Variants in TAFA5 observed in about 807,000 individuals in gnomAD.
TAFA5 encodes TAFA chemokine like family member 5.
Under a neutral mutation model 15.3 loss-of-function variants are expected in TAFA5, and 6 were observed. That is an observed-to-expected ratio of 0.39 (90% CI 0.21 to 0.77). The LOEUF is 0.77. Among genes scored for constraint, TAFA5 ranks in the 30% least tolerant of loss-of-function variants. The pLI, the probability that TAFA5 is intolerant of heterozygous loss-of-function variation, is 0.41. For missense variants in TAFA5, 161 were observed against 193.1 expected (o/e 0.83, Z 0.98); for synonymous variants, 103 against 80.7 (o/e 1.28, Z -1.48).
chr22:48,583,023 C>T (rs1002058346), intron 1 of TAFA5, among the ~76,000 whole-genome samples: 2 of 138,546 alleles, frequency 1.4e-5, no homozygotes, highest in African/African-American at 5.5e-5. Context: ...CACCACACAC[C>T]ACATGCAAAA....
At chr22:48,592,101 G>A (rs1053029078) in intron 1 of TAFA5, among the ~76,000 whole-genome samples, 3 of 152,148 alleles carry the variant, frequency 2.0e-5, no homozygotes, top group East Asian at 3.9e-4. Context: ...AGCCTTGGTC[G>A]GGCCCCACCC....
intron 2 of TAFA5, among the ~76,000 whole-genome samples, chr22:48,680,987 G>A (rs1928165813): frequency 6.6e-6 from 1 of 152,248 alleles, no homozygotes; most frequent in South Asian, 2.1e-4. Flanking sequence ...TCTGGCTCAG[G>A]CTCGCTGGAA....
intron 1 of TAFA5, among the ~76,000 whole-genome samples, chr22:48,608,147 G>A (rs1057032594): frequency 1.7e-5 from 2 of 118,768 alleles, no homozygotes; most frequent in African/African-American, 3.4e-5. Flanking sequence ...GCTTCTCGGG[G>A]GTCTTGGTCT....
At chr22:48,732,264 T>TGTTTTG (rs1198041463) in intron 3 of TAFA5, among the ~76,000 whole-genome samples, 1 of 151,364 alleles carries the variant, frequency 6.6e-6, no homozygotes. Context: ...TGTTTTGTTT[T>TGTTTTG]TCTGAGACGG....
intron 1 of TAFA5, among the ~76,000 whole-genome samples, chr22:48,557,642 T>C (rs796761673): frequency 9.2e-5 from 14 of 152,288 alleles, no homozygotes; most frequent in African/African-American, 2.9e-4. Flanking sequence ...TAAGGCTCCC[T>C]GAAGATGCCA....
At chr22:48,729,867 C>CT in intron 3 of TAFA5, among the ~76,000 whole-genome samples, 1 of 151,882 alleles carries the variant, frequency 6.6e-6, no homozygotes, top group Admixed American at 6.6e-5. Context: ...TCCACAAAGA[C>CT]TTTTGAGTCT....
chr22:48,723,785 C>T (rs130197), intron 3 of TAFA5, among the ~76,000 whole-genome samples: 46,678 of 152,106 alleles, frequency 0.31, 8,244 homozygotes, highest in Non-Finnish European at 0.41. Context: ...AAATGGTGGA[C>T]GAGAAAGGTT....
chr22:48,699,097 T>A lies in TAFA5; in HGVS notation c.263-8620T>A, dbSNP rs563918748. Among the ~76,000 whole-genome samples the A allele has an allele frequency of 9.2e-4, 140 of 152,178 alleles. 1 individual carries two copies. The highest frequency in any genetic ancestry group is 1.5e-3 in the Non-Finnish European group (105 of 68,004). On this transcript the variant is annotated intron_variant, in intron 2 of 3. Coordinates refer to ENST00000402357, the MANE Select transcript of TAFA5 (RefSeq NM_001082967.3). The stretch of plus-strand genomic sequence containing the variant: ...GCTGGGATGTACCACCATGCCCAGC[T>A]AATTTTTGTATTTTTAGTAGAGACG...
chr22:48,555,636 C>T (rs1271920183), intron 1 of TAFA5, among the ~76,000 whole-genome samples: 1 of 152,168 alleles, frequency 6.6e-6, no homozygotes, highest in Non-Finnish European at 1.5e-5. Flanking sequence ...GGTGCACCCC[C>T]CACGCCACGG....
chr22:48,700,563 C>T (rs1394084300), intron 2 of TAFA5, among the ~76,000 whole-genome samples: 2 of 152,174 alleles, frequency 1.3e-5, no homozygotes, highest in Non-Finnish European at 1.5e-5. Context: ...GGAGCGGAAG[C>T]GGGCCTGGGT....
At chr22:48,597,360 C>T (rs73425994) in intron 1 of TAFA5, among the ~76,000 whole-genome samples, 4,057 of 151,668 alleles carry the variant, frequency 0.027, 188 homozygotes, top group African/African-American at 0.092. Context: ...CCACCCTCTT[C>T]ACCACGCCAC....
chr22:48,498,233 G>T (rs1332069368), intron 1 of TAFA5, among the ~76,000 whole-genome samples: 3 of 79,330 alleles, frequency 3.8e-5, no homozygotes, highest in Non-Finnish European at 7.5e-5. Flanking sequence ...GAAGGGGCAG[G>T]GCTGGGGGCC....
chr22:48,741,840 G>T lies in TAFA5; in HGVS notation c.391-7999G>T, dbSNP rs1187408985. On this transcript the variant is annotated intron_variant, in intron 3 of 3. Coordinates refer to ENST00000402357, the MANE Select transcript of TAFA5 (RefSeq NM_001082967.3). The stretch of plus-strand genomic sequence containing the variant: ...GGGGTACCTGGTTACAGCAGCTCCA[G>T]CAATAACACGGCAGCCTTCTGGATG... Among the ~76,000 whole-genome samples, 30 of 152,234 alleles carry T rather than the reference G, an allele frequency of 2.0e-4. 1 individual carries two copies. The highest frequency in any genetic ancestry group is 2.0e-3 in the Admixed American group (30 of 15,282).
At chr22:48,656,299 G>A (rs1284663712) in intron 2 of TAFA5, among the ~76,000 whole-genome samples, 1 of 151,800 alleles carries the variant, frequency 6.6e-6, no homozygotes, top group East Asian at 1.9e-4. Flanking sequence ...TATTAAAAAC[G>A]AAATTACCAT....
chr22:48,737,790 G>A (rs1393623471), intron 3 of TAFA5, among the ~76,000 whole-genome samples: 2 of 152,218 alleles, frequency 1.3e-5, no homozygotes, highest in Non-Finnish European at 2.9e-5. Context: ...CAGGGCCTCC[G>A]CAGGGCAAAT....
rs578028264 is a variant in TAFA5, at chr22:48,626,723, A to G, written c.113-19874A>G. On this transcript the variant is annotated intron_variant, in intron 1 of 3. Transcript: ENST00000402357. The stretch of plus-strand genomic sequence containing the variant: ...AATTTATCAAATGGTTTTCTTTCAT[A>G]GAGTATGCATTTGATGCTTATCTAA... Among the ~76,000 whole-genome samples, 8 of 152,346 alleles carry G rather than the reference A, an allele frequency of 5.3e-5. 1 individual carries two copies. In the South Asian group the frequency reaches 1.7e-3, roughly 32 times the overall value.
intron 3 of TAFA5, among the ~76,000 whole-genome samples, chr22:48,739,371 C>T (rs950638448): frequency 1.3e-5 from 2 of 152,156 alleles, no homozygotes; most frequent in African/African-American, 4.8e-5. Flanking sequence ...CTGGTTCTGT[C>T]AAAGCTAAGC....
intron 2 of TAFA5, among the ~76,000 whole-genome samples, chr22:48,699,567 A>G (rs1928839134): frequency 6.6e-6 from 1 of 151,952 alleles, no homozygotes; most frequent in African/African-American, 2.4e-5. Flanking sequence ...ATACTTAAGG[A>G]CGTGTCGCAT....
chr22:48,745,782 A>G (rs1930312170), intron 3 of TAFA5, among the ~76,000 whole-genome samples: 2 of 152,156 alleles, frequency 1.3e-5, no homozygotes, highest in South Asian at 2.1e-4. Flanking sequence ...AAGATTTCAT[A>G]TAAACCGTGG....
Sources: allele counts gnomAD v4.1 joint callset (sites outside exome capture counted in the v4.1 genomes callset), GRCh38; gene constraint gnomAD v4.1.1; transcripts MANE v1.5; gene names NCBI Gene and HGNC (gene_info 2026-07-23, HGNC 2026-07-21).